Variants in GRM7 observed in about 807,000 individuals in gnomAD.
The protein encoded by GRM7 is glutamate metabotropic receptor 7, also known as metabotropic glutamate receptor 7.
A neutral mutation model predicts 84.5 loss-of-function variants in GRM7; 35 were observed. The observed-to-expected ratio is 0.41, with a 90% CI of 0.32 to 0.55. The LOEUF (loss-of-function observed/expected upper bound fraction) is 0.55, where lower values mean the gene tolerates loss of function less well. Ranked by LOEUF, GRM7 falls within the 20% of genes least tolerant of loss-of-function variation. GRM7 has a pLI of 0.19. For missense variants in GRM7, 1,003 were observed against 1,194.6 expected, an observed-to-expected ratio of 0.84 and a Z score of 2.36; for synonymous variants, 487 against 455.1, an observed-to-expected ratio of 1.07 and a Z score of -0.89.
chr3:7,196,784 T>C (rs1695893023), intron 2 of GRM7, among the ~76,000 whole-genome samples: 1 of 152,206 alleles, frequency 6.6e-6, no homozygotes. Flanking sequence ...ATTTGTCTTC[T>C]GTCTTTATTA....
At chr3:7,442,051 T>A (rs1486719615) in intron 5 of GRM7, among the ~76,000 whole-genome samples, 1 of 152,090 alleles carries the variant, frequency 6.6e-6, no homozygotes, top group African/African-American at 2.4e-5. Context: ...AAATAGCATT[T>A]AATTTGCAAA....
In GRM7 at chr3:7,127,914, G is replaced by T. The variant is rs182044806; in HGVS notation, c.520-18538G>T. ...GCTTAATGACTTGCTTTTGGTAATA[G>T]ATTAAGATCAGAATGAAAAGTAGAC... On this transcript the variant is annotated intron_variant, in intron 1 of 9. Coordinates refer to ENST00000357716, the MANE Select transcript of GRM7 (RefSeq NM_000844.4). Among the ~76,000 whole-genome samples, 34 of 152,158 alleles carry T rather than the reference G, an allele frequency of 2.2e-4. 1 individual carries two copies. In the East Asian group the frequency reaches 6.4e-3, roughly 28 times the overall value.
intron 7 of GRM7, among the ~76,000 whole-genome samples, chr3:7,568,001 C>T (rs2125042792): frequency 6.6e-6 from 1 of 152,122 alleles, no homozygotes; most frequent in South Asian, 2.1e-4. Context: ...AATATGTTAC[C>T]TTTAGTTTAT....
At chr3:7,236,380 T>A (rs574056319) in intron 2 of GRM7, among the ~76,000 whole-genome samples, 1 of 152,306 alleles carries the variant, frequency 6.6e-6, no homozygotes, top group East Asian at 1.9e-4. Context: ...TTTCTCCTAT[T>A]TTTTAGAAAA....
chr3:6,926,698 T>A (rs1432218916), intron 1 of GRM7, among the ~76,000 whole-genome samples: 4 of 152,200 alleles, frequency 2.6e-5, no homozygotes, highest in African/African-American at 9.6e-5. Context: ...AAAAAGCCGA[T>A]GCAACCACCC....
At chr3:7,429,012 A>T (rs374393481) in intron 5 of GRM7, among the ~76,000 whole-genome samples, 5 of 152,240 alleles carry the variant, frequency 3.3e-5, no homozygotes, top group Admixed American at 2.0e-4. Context: ...CTTTCTTGGG[A>T]TGCATTTCTA....
intron 1 of GRM7, among the ~76,000 whole-genome samples, chr3:6,929,887 A>C (rs1195963176): frequency 3.3e-5 from 5 of 152,208 alleles, no homozygotes; most frequent in African/African-American, 7.2e-5. Flanking sequence ...GATCTTTTCC[A>C]CATCAGATGG....
chr3:7,140,649 T>G (rs928782357), intron 1 of GRM7, among the ~76,000 whole-genome samples: 12 of 152,084 alleles, frequency 7.9e-5, no homozygotes, highest in Non-Finnish European at 1.3e-4. Context: ...GGGAAGACAC[T>G]AAATTATAAT....
chr3:7,652,860 C>G (rs900058558), intron 8 of GRM7, among the ~76,000 whole-genome samples: 1 of 152,162 alleles, frequency 6.6e-6, no homozygotes, highest in African/African-American at 2.4e-5. Flanking sequence ...TTCCATAAGG[C>G]AAGGACCAGG....
chr3:7,073,227 T>C (rs1005734339), intron 1 of GRM7, among the ~76,000 whole-genome samples: 1 of 152,048 alleles, frequency 6.6e-6, no homozygotes, highest in African/African-American at 2.4e-5. Context: ...GATAAAATAG[T>C]TAAATGCATC....
At chr3:7,610,621 G>T (rs555622831) in intron 8 of GRM7, among the ~76,000 whole-genome samples, 1 of 152,278 alleles carries the variant, frequency 6.6e-6, no homozygotes, top group African/African-American at 2.4e-5. Context: ...AAAAACATCA[G>T]CTATTGCAAA....
At chr3:7,502,913 T>C (rs905892411) in intron 7 of GRM7, among the ~76,000 whole-genome samples, 1 of 152,140 alleles carries the variant, frequency 6.6e-6, no homozygotes, top group Non-Finnish European at 1.5e-5. Flanking sequence ...AAACTGTGAG[T>C]CCAAGTGCCT....
intron 2 of GRM7, among the ~76,000 whole-genome samples, chr3:7,156,743 C>T (rs59050017): frequency 0.065 from 9,819 of 152,016 alleles, 801 homozygotes; most frequent in African/African-American, 0.18. Context: ...TCTTATGCTG[C>T]GGAAGGGAGG....
chr3:7,148,993 G>T (rs1053067776), intron 2 of GRM7, among the ~76,000 whole-genome samples: 1 of 152,006 alleles, frequency 6.6e-6, no homozygotes, highest in African/African-American at 2.4e-5. Context: ...TATTTAATAA[G>T]TATTCTTCTT....
chr3:7,435,705 T>TTTG (rs1697020826), intron 5 of GRM7, among the ~76,000 whole-genome samples: 2 of 109,612 alleles, frequency 1.8e-5, no homozygotes, highest in Admixed American at 9.1e-5. Context: ...TTTTTTTTTT[T>TTTG]GAGACAGAGT....
chr3:7,190,925 A>G (rs998294135), intron 2 of GRM7, among the ~76,000 whole-genome samples: 6 of 152,248 alleles, frequency 3.9e-5, no homozygotes, highest in African/African-American at 1.2e-4. Flanking sequence ...CCACAGTACT[A>G]CTAACCACCA....
At chr3:7,053,234 T>A (rs1483017392) in intron 1 of GRM7, among the ~76,000 whole-genome samples, 1 of 151,390 alleles carries the variant, frequency 6.6e-6, no homozygotes, top group Non-Finnish European at 1.5e-5. Context: ...CCTTTTTTTT[T>A]ACTTTAGTTA....
rs149399811 is a variant in GRM7, at chr3:7,115,997, C to G, written c.520-30455C>G. Among the ~76,000 whole-genome samples the G allele has an allele frequency of 6.4e-3, 978 of 152,202 alleles. 3 individuals are homozygous for G. The highest frequency in any genetic ancestry group is 0.017 in the Middle Eastern group (5 of 294). ...GCCACTCTCAAACCTTAGATTCTTCCAGAGGGCTCTTATGCAAAGACCCTG... is the reference window on the plus strand; with the variant it reads ...GCCACTCTCAAACCTTAGATTCTTCGAGAGGGCTCTTATGCAAAGACCCTG... On this transcript the variant is annotated intron_variant, in intron 1 of 9. Transcript: ENST00000357716.
At chr3:7,460,799 C>G (rs1420928501) in intron 6 of GRM7, among the ~76,000 whole-genome samples, 1 of 152,200 alleles carries the variant, frequency 6.6e-6, no homozygotes, top group African/African-American at 2.4e-5. Flanking sequence ...GGATTCTTTA[C>G]TCATCCAACC....
Sources: allele counts gnomAD v4.1 joint callset (sites outside exome capture counted in the v4.1 genomes callset), GRCh38; gene constraint gnomAD v4.1.1; transcripts MANE v1.5; gene names NCBI Gene and HGNC (gene_info 2026-07-23, HGNC 2026-07-21).